NAP1L1: variants seen among roughly 807,000 people sequenced by gnomAD.
The protein encoded by NAP1L1 is nucleosome assembly protein 1 like 1.
NAP1L1 carries 9 observed loss-of-function variants against 58.9 expected under a neutral mutation model. The ratio of observed to expected loss-of-function variants is 0.15; its 90% CI spans 0.09 to 0.27. The LOEUF (loss-of-function observed/expected upper bound fraction) is 0.27, where lower values mean the gene tolerates loss of function less well. Ranked by LOEUF, NAP1L1 falls within the 10% of genes least tolerant of loss-of-function variation. The pLI is 1.00. For missense variants in NAP1L1, 302 were observed against 458.8 expected (o/e 0.66, Z 3.12); for synonymous variants, 130 against 138.3 (o/e 0.94, Z 0.42).
Position 76,068,735 on chromosome 12 carries a change from TACACACAC to T in NAP1L1, c.103+166_103+173del, listed in dbSNP as rs35120003. On this transcript the variant is annotated intron_variant, in intron 3 of 14. Coordinates refer to ENST00000618691, the MANE Select transcript of NAP1L1 (RefSeq NM_004537.7). ...GCTGTATCTATACCTACCCGCCCCT[TACACACAC>T]ACACACACACACACACACACACACA... is the stretch of plus-strand genomic sequence containing the variant. 2,826 of 294,722 alleles carry T rather than the reference TACACACAC, an allele frequency of 9.6e-3. 2 individuals are homozygous for T. The highest frequency in any genetic ancestry group is 0.011 in the Non-Finnish European group (1,888 of 168,992). 18.3% of individuals were successfully genotyped at this position (294,722 alleles called of 1,614,324 possible).
At position 76,053,207 on chromosome 12, in the gene NAP1L1, T is replaced by G. The variant is rs1425825717; in HGVS notation, c.914A>C (p.Glu305Ala). ...ACTCAAGCTAAAACATTATTTACCT[T>G]CAGGAGGGGCAAAAAAGTTAAAGAA... ...DSFFNFFAPPEVPESGDLDDD... is the reference protein window; with the variant it reads ...DSFFNFFAPPAVPESGDLDDD... Residue 305 changes from glutamate (E) to alanine (A), a missense_variant and splice_region_variant, in exon 10 of 15, where the codon GAA (glutamate) becomes GCA (alanine). Glu to Ala is a moderately radical substitution (Grantham distance 107). Transcript: ENST00000618691. 6.2e-7 allele frequency: 1 copy of G among 1,613,920 alleles called. No individual in the cohort carries two copies. Among genetic ancestry groups the G allele is most frequent in the East Asian group, 2.2e-5 (1 of 44,846 alleles).
chr12:76,082,776 A>G (rs989856373), intron 1 of NAP1L1, among the ~76,000 whole-genome samples: 4 of 152,232 alleles, frequency 2.6e-5, no homozygotes, highest in African/African-American at 9.6e-5. Flanking sequence ...CCCTATACAT[A>G]AAAGGTTTTT....
At chr12:76,054,718 C>T (rs1948996722) in intron 8 of NAP1L1, among the ~76,000 whole-genome samples, 1 of 152,224 alleles carries the variant, frequency 6.6e-6, no homozygotes, top group South Asian at 2.1e-4. Flanking sequence ...CATCCTCTAA[C>T]ATCAGTTTTG....
intron 4 of NAP1L1, among the ~76,000 whole-genome samples, chr12:76,063,288 G>A (rs1412034557): frequency 2.6e-5 from 4 of 151,796 alleles, no homozygotes; most frequent in Non-Finnish European, 4.4e-5. Flanking sequence ...AATCAACAGG[G>A]GTAAATAAAC....
chr12:76,072,749 TG>T (rs1401221372), intron 2 of NAP1L1, among the ~76,000 whole-genome samples: 1 of 152,136 alleles, frequency 6.6e-6, no homozygotes, highest in African/African-American at 2.4e-5. Context: ...ACAGCAACAC[TG>T]GAAGCAAGGT....
chr12:76,079,866 T>A (rs978734339), intron 1 of NAP1L1, among the ~76,000 whole-genome samples: 3 of 152,102 alleles, frequency 2.0e-5, no homozygotes, highest in Non-Finnish European at 4.4e-5. Context: ...TTGTTTTAAT[T>A]TTTTTTGTAA....
intron 1 of NAP1L1, among the ~76,000 whole-genome samples, chr12:76,080,597 C>G (rs1950364453): frequency 1.3e-5 from 2 of 152,158 alleles, no homozygotes; most frequent in African/African-American, 4.8e-5. Context: ...CAGAACACAT[C>G]CCCATCATTA....
chr12:76,066,791 A>G (rs1365550295), intron 4 of NAP1L1, among the ~76,000 whole-genome samples: 1 of 152,124 alleles, frequency 6.6e-6, no homozygotes, highest in African/African-American at 2.4e-5. Flanking sequence ...ACTGCTGAGC[A>G]CACATCTCAA....
At chr12:76,058,634 C>T (rs1949254771) in intron 6 of NAP1L1, among the ~76,000 whole-genome samples, 1 of 152,224 alleles carries the variant, frequency 6.6e-6, no homozygotes, top group Non-Finnish European at 1.5e-5. Flanking sequence ...GATTGGCCCA[C>T]CTAGGCCTCC....
At chr12:76,066,097 AAAATAAATAAATAAATAAAT>A (rs763030439) in intron 4 of NAP1L1, among the ~76,000 whole-genome samples, 4 of 140,146 alleles carry the variant, frequency 2.9e-5, no homozygotes, top group South Asian at 2.3e-4. Context: ...AGGAGGACCC[AAAATAAATAAATAAATAAAT>A]AAATAAATAA....
At chr12:76,068,666 C>A in intron 3 of NAP1L1, 1 of 361,234 alleles carries the variant, frequency 2.8e-6, no homozygotes, top group Non-Finnish European at 5.0e-6. Context: ...TACACCAAGT[C>A]ACTCCAACAG....
In NAP1L1 at chr12:76,047,739, T is replaced by G. The variant is rs1369113432; in HGVS notation, c.*690A>C. On this transcript the variant is annotated 3_prime_UTR_variant, in exon 15 of 15. Transcript: ENST00000618691. ...AGACCCTACCACAAAGAAAAGATGC[T>G]TAGTTAATGGAGGTTAAATTTAAAA... 3 of 152,052 alleles carry G rather than the reference T, an allele frequency of 2.0e-5. No homozygotes were observed. Among genetic ancestry groups the G allele is most frequent in the African/African-American group, 7.2e-5 (3 of 41,452 alleles). The allele number at this position is 152,052 out of a possible 1,614,324, so 9.4% of individuals were successfully genotyped here. A position where few individuals can be genotyped will look rare whatever the true frequency, so the allele number is the denominator to read the frequency against.
chr12:76,052,267 A>T (rs1318726692), intron 11 of NAP1L1, among the ~76,000 whole-genome samples: 1 of 150,900 alleles, frequency 6.6e-6, no homozygotes. Context: ...ACAAACAAAC[A>T]AAAAAAAACC....
chr12:76,068,779 C>CACACACACACACACACACA, intron 3 of NAP1L1, 130 bp downstream of exon 3: 2 of 643,768 alleles, frequency 3.1e-6, no homozygotes, highest in Non-Finnish European at 2.8e-6. Flanking sequence ...CACACACACA[C>CACACACACACACACACACA]TAGAAGTATG....
intron 4 of NAP1L1, among the ~76,000 whole-genome samples, chr12:76,064,084 A>G (rs1949546485): frequency 1.3e-5 from 2 of 152,116 alleles, no homozygotes; most frequent in Admixed American, 1.3e-4. Flanking sequence ...TGGGAGGATC[A>G]CAGTGAGCCA....
chr12:76,052,232 A>T (rs1047294695), intron 11 of NAP1L1, among the ~76,000 whole-genome samples: 12 of 152,070 alleles, frequency 7.9e-5, no homozygotes, highest in African/African-American at 2.9e-4. Context: ...CTGTTTTGTC[A>T]TCATCAATAT....
chr12:76,067,342 G>T, intron 4 of NAP1L1, 29 bp downstream of exon 4: 1 of 1,521,188 alleles, frequency 6.6e-7, no homozygotes. Flanking sequence ...ATTATAGAAA[G>T]ATAAATAAGG....
At chr12:76,065,971 C>T (rs1222325123) in intron 4 of NAP1L1, among the ~76,000 whole-genome samples, 1 of 149,648 alleles carries the variant, frequency 6.7e-6, no homozygotes, top group Non-Finnish European at 1.5e-5. Context: ...AAGACAAACA[C>T]GGGTGTTTAC....
At chr12:76,077,973 CCT>C (rs1405319983) in intron 1 of NAP1L1, among the ~76,000 whole-genome samples, 2 of 110,990 alleles carry the variant, frequency 1.8e-5, no homozygotes, top group East Asian at 5.2e-4. Context: ...AGAGCAAGAC[CCT>C]GTCTCAAAAA....
Sources: gnomAD v4.1 joint callset for allele counts (sites outside exome capture counted in the v4.1 genomes callset) on GRCh38, gnomAD v4.1.1 for gene constraint, MANE v1.5 for transcripts, NCBI Gene and HGNC (gene_info 2026-07-23, HGNC 2026-07-21) for gene names.